The following MARCHF1 variants were observed in gnomAD, a reference collection of about 807,000 sequenced individuals.
MARCHF1 encodes the protein E3 ubiquitin-protein ligase MARCHF1.
MARCHF1 carries 40 observed loss-of-function variants against 54.2 expected under a neutral mutation model. That is an observed-to-expected ratio of 0.74 (90% CI 0.57 to 0.96). The LOEUF is 0.96. MARCHF1 is among the 40% of genes least tolerant of loss of function. The pLI, the probability that MARCHF1 is intolerant of heterozygous loss-of-function variation, is 0.00. For synonymous variants in MARCHF1, 236 were observed against 236.3 expected (o/e 1.00, Z 0.01); for missense variants, 586 against 656.5 (o/e 0.89, Z 1.17).
intron 1 of MARCHF1, among the ~76,000 whole-genome samples, chr4:164,205,477 A>G (rs1731580530): frequency 6.6e-6 from 1 of 152,200 alleles, no homozygotes; most frequent in South Asian, 2.1e-4. Context: ...GCTGGGGAAT[A>G]AACTAACAGG....
chr4:163,804,565 T>C (rs1748173861), intron 4 of MARCHF1, among the ~76,000 whole-genome samples: 1 of 152,172 alleles, frequency 6.6e-6, no homozygotes, highest in Admixed American at 6.5e-5. Context: ...ATAAGTAAAC[T>C]CTATATTAAG....
chr4:164,035,898 T>C (rs1042464776), intron 2 of MARCHF1, among the ~76,000 whole-genome samples: 1 of 140,286 alleles, frequency 7.1e-6, no homozygotes, highest in Non-Finnish European at 1.5e-5. Context: ...CTGGCCAATA[T>C]GGTGAAACCT....
At chr4:163,860,635 G>T (rs1749903108) in intron 3 of MARCHF1, among the ~76,000 whole-genome samples, 1 of 152,100 alleles carries the variant, frequency 6.6e-6, no homozygotes, top group South Asian at 2.1e-4. Flanking sequence ...GAATCATAAA[G>T]TTACAGAATA....
At chr4:163,571,208 T>TAATA (rs1739832832) in intron 8 of MARCHF1, among the ~76,000 whole-genome samples, 1 of 152,158 alleles carries the variant, frequency 6.6e-6, no homozygotes, top group Non-Finnish European at 1.5e-5. Flanking sequence ...GAATTGGACC[T>TAATA]GTCTGGAATT....
chr4:163,930,017 A>ATAT (rs1300009261), intron 3 of MARCHF1, among the ~76,000 whole-genome samples: 1 of 135,986 alleles, frequency 7.4e-6, no homozygotes, highest in Non-Finnish European at 1.5e-5. Flanking sequence ...AATATATTAT[A>ATAT]TATACTATAT....
At chr4:163,582,797 G>A (rs1314032996) in intron 8 of MARCHF1, among the ~76,000 whole-genome samples, 3 of 151,636 alleles carry the variant, frequency 2.0e-5, no homozygotes, top group Non-Finnish European at 4.4e-5. Flanking sequence ...GAATCTTAGT[G>A]CCATCAAAAT....
intron 1 of MARCHF1, among the ~76,000 whole-genome samples, chr4:164,337,160 A>G (rs958372724): frequency 4.6e-5 from 7 of 152,196 alleles, no homozygotes; most frequent in Non-Finnish European, 8.8e-5. Flanking sequence ...AGTGGAATTA[A>G]CAAGATGGTA....
intron 8 of MARCHF1, among the ~76,000 whole-genome samples, chr4:163,575,202 G>A (rs1304525457): frequency 6.6e-6 from 1 of 151,966 alleles, no homozygotes; most frequent in African/African-American, 2.4e-5. Context: ...ATTATTTTGA[G>A]ATATGTCCCT....
intron 5 of MARCHF1, among the ~76,000 whole-genome samples, chr4:163,691,625 C>A (rs1744459524): frequency 1.3e-5 from 2 of 152,156 alleles, no homozygotes; most frequent in South Asian, 2.1e-4. Context: ...ACCTGTGAAC[C>A]AGATGCAACA....
intron 4 of MARCHF1, among the ~76,000 whole-genome samples, chr4:163,839,940 T>C (rs1247635199): frequency 6.6e-6 from 1 of 152,076 alleles, no homozygotes; most frequent in Non-Finnish European, 1.5e-5. Flanking sequence ...GCCTAAAGTC[T>C]GTTCTTTGGA....
chr4:163,595,360 A>T lies in MARCHF1; in HGVS notation c.1011-9431T>A, dbSNP rs866001353. 3.6e-3 allele frequency among the ~76,000 whole-genome samples: 544 copies of T among 152,118 alleles called. 3 individuals carry two copies. The highest frequency in any genetic ancestry group is 9.5e-3 in the African/African-American group (395 of 41,488). ...CCTGTCTTCACTAAAAATAAAATAA[A>T]AAAAAAATTAGCGGAGTGTGGTGTC... On this transcript the variant is annotated intron_variant, in intron 7 of 9. Coordinates refer to ENST00000514618, the MANE Select transcript of MARCHF1 (RefSeq NM_001394959.1).
chr4:163,959,827 T>G (rs1752309627), intron 3 of MARCHF1, among the ~76,000 whole-genome samples: 1 of 152,036 alleles, frequency 6.6e-6, no homozygotes, highest in Admixed American at 6.6e-5. Flanking sequence ...GGGATCTAAT[T>G]AAACTGAGAG....
intron 1 of MARCHF1, among the ~76,000 whole-genome samples, chr4:164,312,644 TTAAC>T (rs1419498178): frequency 1.3e-5 from 2 of 152,114 alleles, no homozygotes; most frequent in Non-Finnish European, 2.9e-5. Context: ...TACACTAATC[TTAAC>T]TATCTAAAAT....
chr4:164,307,022 T>A (rs114251914), intron 1 of MARCHF1, among the ~76,000 whole-genome samples: 2,185 of 152,292 alleles, frequency 0.014, 64 homozygotes, highest in African/African-American at 0.049. Context: ...TATATAAAGT[T>A]AAAATTTACT....
chr4:164,258,418 AAAG>A (rs1305270046), intron 1 of MARCHF1, among the ~76,000 whole-genome samples: 4 of 150,904 alleles, frequency 2.7e-5, no homozygotes, highest in Non-Finnish European at 5.9e-5. Context: ...TAATAATAAT[AAAG>A]GACAAAACAA....
intron 1 of MARCHF1, among the ~76,000 whole-genome samples, chr4:164,222,101 T>A (rs2111154487): frequency 6.6e-6 from 1 of 152,146 alleles, no homozygotes; most frequent in African/African-American, 2.4e-5. Flanking sequence ...AATGGAAATT[T>A]TTTCTAAGTG....
chr4:164,180,814 A>G (rs1730811931), intron 1 of MARCHF1, among the ~76,000 whole-genome samples: 1 of 152,172 alleles, frequency 6.6e-6, no homozygotes, highest in South Asian at 2.1e-4. Context: ...TTTAAGGAGA[A>G]AATGCCATTA....
intron 2 of MARCHF1, among the ~76,000 whole-genome samples, chr4:164,026,188 C>T (rs1753765099): frequency 6.6e-6 from 1 of 152,094 alleles, no homozygotes; most frequent in Non-Finnish European, 1.5e-5. Flanking sequence ...TCTGCTGAAA[C>T]TATTCCAAAA....
chr4:164,136,329 T>C (rs1384661759), intron 1 of MARCHF1, among the ~76,000 whole-genome samples: 2 of 151,164 alleles, frequency 1.3e-5, no homozygotes, highest in Non-Finnish European at 2.9e-5. Flanking sequence ...AAAAACAGTT[T>C]CACTTTACTT....
Sources: gnomAD v4.1 joint callset for allele counts (sites outside exome capture counted in the v4.1 genomes callset) on GRCh38, gnomAD v4.1.1 for gene constraint, MANE v1.5 for transcripts, NCBI Gene and HGNC (gene_info 2026-07-23, HGNC 2026-07-21) for gene names.